Variants in PRSS38 observed in about 807,000 individuals in gnomAD.
The protein encoded by PRSS38 is serine protease 38, also known as marapsin 2.
Under a neutral mutation model 26.8 loss-of-function variants are expected in PRSS38, and 22 were observed. The observed-to-expected ratio is 0.82, with a 90% CI of 0.59 to 1.17. The LOEUF (loss-of-function observed/expected upper bound fraction) is 1.17. PRSS38 is among the 50% of genes most tolerant of loss of function. The probability of loss-of-function intolerance (pLI) is 0.00; values close to 1 mark genes in which losing one functional copy is unlikely to be tolerated. For synonymous variants in PRSS38, 175 were observed against 172.1 expected, an observed-to-expected ratio of 1.02 and a Z score of -0.13; for missense variants, 427 against 422.7, an observed-to-expected ratio of 1.01 and a Z score of -0.09.
At chr1:227,844,844 C>T (rs534332905) in intron 3 of PRSS38, among the ~76,000 whole-genome samples, 5 of 151,090 alleles carry the variant, frequency 3.3e-5, no homozygotes, top group Non-Finnish European at 5.9e-5. Flanking sequence ...GGGCTCCTCC[C>T]TATGTGTGGT....
At chr1:227,836,233 G>A (rs1041571781) in intron 3 of PRSS38, among the ~76,000 whole-genome samples, 1 of 151,950 alleles carries the variant, frequency 6.6e-6, no homozygotes, top group African/African-American at 2.4e-5. Flanking sequence ...TGAGTAGCTG[G>A]GACCACAGGC....
At chr1:227,817,265 C>T in exon 3 of PRSS38, 2 of 1,614,100 alleles carry the variant, frequency 1.2e-6, no homozygotes, top group Non-Finnish European at 1.7e-6. Flanking sequence ...CTCAGGGTGG[C>T]CGGCAACCAC....
chr1:227,827,233 T>G (rs2102677434), intron 3 of PRSS38, among the ~76,000 whole-genome samples: 1 of 152,306 alleles, frequency 6.6e-6, no homozygotes, highest in East Asian at 1.9e-4. Flanking sequence ...TTTCAATTTT[T>G]TGTAATGGTT....
At chr1:227,823,724 C>T (rs916504964) in intron 3 of PRSS38, among the ~76,000 whole-genome samples, 1 of 152,174 alleles carries the variant, frequency 6.6e-6, no homozygotes, top group Non-Finnish European at 1.5e-5. Context: ...ACCTTCTTCC[C>T]TGATTGTAAG....
intron 3 of PRSS38, among the ~76,000 whole-genome samples, chr1:227,837,648 T>A (rs949889773): frequency 6.6e-6 from 1 of 152,196 alleles, no homozygotes. Flanking sequence ...AGGGATAAAT[T>A]CAACTTTATT....
At chr1:227,817,045 C>T (rs991435355) in intron 2 of PRSS38, among the ~76,000 whole-genome samples, 164 bp from the exon 3 acceptor site, 34 of 152,220 alleles carry the variant, frequency 2.2e-4, no homozygotes, top group African/African-American at 7.7e-4. Context: ...CTTTAGGGGG[C>T]AACTCTTCCA....
chr1:227,833,456 G>T (rs4582784), intron 3 of PRSS38, among the ~76,000 whole-genome samples: 39,622 of 151,844 alleles, frequency 0.26, 5,292 homozygotes, highest in Non-Finnish European at 0.28. Context: ...GAACCAAGGA[G>T]GCAGAGGTTG....
chr1:227,825,216 C>A (rs974228652), intron 3 of PRSS38, among the ~76,000 whole-genome samples: 1 of 152,002 alleles, frequency 6.6e-6, no homozygotes, highest in African/African-American at 2.4e-5. Context: ...TTGAGAGAGT[C>A]TCAGTCTGTC....
intron 3 of PRSS38, among the ~76,000 whole-genome samples, chr1:227,830,758 GC>G (rs1665143175): frequency 6.6e-6 from 1 of 151,704 alleles, no homozygotes; most frequent in Non-Finnish European, 1.5e-5. Flanking sequence ...GCCCACCTCG[GC>G]CCCCCAAAGT....
At chr1:227,832,963 A>C (rs1472301308) in intron 3 of PRSS38, among the ~76,000 whole-genome samples, 2 of 152,208 alleles carry the variant, frequency 1.3e-5, no homozygotes, top group Non-Finnish European at 2.9e-5. Context: ...TACCTATAAT[A>C]ATGTATCCAA....
intron 3 of PRSS38, among the ~76,000 whole-genome samples, chr1:227,820,886 A>C (rs1664993723): frequency 6.6e-6 from 1 of 152,190 alleles, no homozygotes; most frequent in Admixed American, 6.5e-5. Flanking sequence ...TTGTTGAATC[A>C]ATCTCTTTAC....
At chr1:227,836,289 G>A (rs1665237268) in intron 3 of PRSS38, among the ~76,000 whole-genome samples, 1 of 151,946 alleles carries the variant, frequency 6.6e-6, no homozygotes, top group Non-Finnish European at 1.5e-5. Flanking sequence ...TTGTAGAGAT[G>A]GGGGTCTCAT....
At chr1:227,838,767 G>T (rs1373300892) in intron 3 of PRSS38, among the ~76,000 whole-genome samples, 7 of 152,130 alleles carry the variant, frequency 4.6e-5, no homozygotes, top group Non-Finnish European at 8.8e-5. Context: ...CTATTTCTTT[G>T]TAGTATTTCA....
intron 3 of PRSS38, among the ~76,000 whole-genome samples, chr1:227,841,418 C>T (rs755595442): frequency 5.9e-5 from 9 of 152,234 alleles, no homozygotes; most frequent in Admixed American, 2.0e-4. Flanking sequence ...TGAGAGGAAC[C>T]GCAAGACATA....
rs565209738 is a variant in PRSS38, at chr1:227,817,629, A to T, written c.583+149A>T. 4.8e-6 allele frequency: 4 copies of T among 837,186 alleles called. No homozygotes were observed. In the South Asian group the frequency reaches 7.3e-5, roughly 15 times the overall value. The allele number at this position is 837,186 out of a possible 1,614,324, so 51.9% of individuals were successfully genotyped here. ...AACATTTATTTGTTTGTCAGTGTGG[A>T]TATTTTGTTGTTTTGTTTTATTTCT... On this transcript the variant is annotated intron_variant, in intron 3 of 4. Coordinates refer to ENST00000366757, the Ensembl canonical transcript of PRSS38.
chr1:227,821,638 T>G (rs778788172), intron 3 of PRSS38, among the ~76,000 whole-genome samples: 1 of 152,176 alleles, frequency 6.6e-6, no homozygotes, highest in Non-Finnish European at 1.5e-5. Flanking sequence ...TTTTTTCTTT[T>G]AGCACTTTAA....
At chr1:227,817,114 A>G in intron 2 of PRSS38, 95 bp from the exon 3 acceptor site, 1 of 1,306,786 alleles carries the variant, frequency 7.7e-7, no homozygotes, top group Non-Finnish European at 1.1e-6. Flanking sequence ...AATCCCACCG[A>G]GTGAGTGCCA....
exon 1 of PRSS38, chr1:227,815,826 A>G (rs1664902342): frequency 2.5e-6 from 4 of 1,611,800 alleles, no homozygotes; most frequent in Non-Finnish European, 2.5e-6. Context: ...GTCCACAGAC[A>G]GCCAGAGAAC....
chr1:227,826,908 A>T (rs938367522), intron 3 of PRSS38, among the ~76,000 whole-genome samples: 3 of 152,152 alleles, frequency 2.0e-5, no homozygotes, highest in Non-Finnish European at 4.4e-5. Context: ...ATTTTACCAA[A>T]GGCCTTTTCT....
Sources: allele counts gnomAD v4.1 joint callset (sites outside exome capture counted in the v4.1 genomes callset), GRCh38; gene constraint gnomAD v4.1.1; transcripts MANE v1.5; gene names NCBI Gene and HGNC (gene_info 2026-07-23, HGNC 2026-07-21).